INPP5A: variants seen among roughly 807,000 people sequenced by gnomAD.
The protein encoded by INPP5A is inositol polyphosphate-5-phosphatase A, also known as 43 kDa inositol polyphosphate 5-phophatase.
INPP5A carries 14 observed loss-of-function variants against 65.2 expected under a neutral mutation model. That is an observed-to-expected ratio of 0.21 (90% CI 0.14 to 0.34). The LOEUF (loss-of-function observed/expected upper bound fraction) is 0.34, where lower values mean the gene tolerates loss of function less well. INPP5A is among the 10% of genes least tolerant of loss of function. INPP5A has a pLI of 1.00. For synonymous variants in INPP5A, 207 were observed against 208.3 expected (o/e 0.99, Z 0.05); for missense variants, 431 against 545.6 (o/e 0.79, Z 2.09).
chr10:132,771,102 C>T lies in INPP5A; in HGVS notation c.977+5256C>T, dbSNP rs367880104. Among the ~76,000 whole-genome samples the T allele has an allele frequency of 8.5e-5, 13 of 152,348 alleles. No individual in the cohort carries two copies. In the South Asian group the frequency reaches 2.7e-3, roughly 32 times the overall value. On this transcript the variant is annotated intron_variant, in intron 12 of 15. Coordinates refer to ENST00000368594, the MANE Select transcript of INPP5A (RefSeq NM_005539.5). Reference sequence around the variant, plus strand: ...GTCTAAGTTACCACAGTCTGTCTGTCAATCTTTCTGGCAAAATATGGTGTC... The same window carrying T: ...GTCTAAGTTACCACAGTCTGTCTGTTAATCTTTCTGGCAAAATATGGTGTC...
intron 1 of INPP5A, among the ~76,000 whole-genome samples, chr10:132,541,304 C>A (rs1220620600): frequency 1.3e-5 from 2 of 152,188 alleles, no homozygotes; most frequent in Non-Finnish European, 2.9e-5. Context: ...CAAAACGCTG[C>A]GTGCATCCAC....
chr10:132,763,751 A>G (rs1301834053), intron 11 of INPP5A, among the ~76,000 whole-genome samples: 1 of 152,114 alleles, frequency 6.6e-6, no homozygotes, highest in Non-Finnish European at 1.5e-5. Flanking sequence ...ATGCCTGCAT[A>G]CAAACACACA....
intron 2 of INPP5A, among the ~76,000 whole-genome samples, chr10:132,631,214 C>G (rs1330406516): frequency 6.6e-6 from 1 of 152,182 alleles, no homozygotes; most frequent in Non-Finnish European, 1.5e-5. Context: ...AGGCCCCTGC[C>G]CACACAGCTG....
chr10:132,598,283 G>A (rs1469133325), intron 1 of INPP5A, among the ~76,000 whole-genome samples: 2 of 152,144 alleles, frequency 1.3e-5, no homozygotes, highest in Non-Finnish European at 2.9e-5. Flanking sequence ...ATGTTTAAGG[G>A]TGCAATTCAG....
chr10:132,650,591 G>A lies in INPP5A; in HGVS notation c.306+86G>A. On this transcript the variant is annotated intron_variant, in intron 4 of 15. Coordinates refer to ENST00000368594, the MANE Select transcript of INPP5A (RefSeq NM_005539.5). This position sits in a 1 kb window ranked among gnomAD's most constrained non-coding sequence, Gnocchi z 5.5. ...CCTTCTCCTGTGTAAATGGAGAGAG[G>A]TCGGGGTGCTCCCTGCCTGAAGCCT... is the stretch of plus-strand genomic sequence containing the variant. 1 of 952,736 alleles carries A rather than the reference G, an allele frequency of 1.0e-6. No homozygotes were observed. The allele number at this position is 952,736 out of a possible 1,614,324, so 59.0% of individuals were successfully genotyped here. A position where few individuals can be genotyped will look rare whatever the true frequency, so the allele number is the denominator to read the frequency against.
At chr10:132,730,924 G>A (rs553319390) in intron 9 of INPP5A, among the ~76,000 whole-genome samples, 171 of 152,314 alleles carry the variant, frequency 1.1e-3, no homozygotes, top group African/African-American at 3.9e-3. Flanking sequence ...ATAGAGCCGC[G>A]TGGCTATTCC....
intron 2 of INPP5A, among the ~76,000 whole-genome samples, chr10:132,635,412 T>TTTTTC: frequency 7.3e-6 from 1 of 137,506 alleles, no homozygotes; most frequent in Middle Eastern, 3.7e-3. Context: ...TTTTTTTTTT[T>TTTTTC]TGAGACGGAG....
At chr10:132,709,458 G>A (rs56276037) in intron 7 of INPP5A, among the ~76,000 whole-genome samples, 3,267 of 152,096 alleles carry the variant, frequency 0.021, 56 homozygotes, top group South Asian at 0.053. Flanking sequence ...GAGCTGAGAA[G>A]GAGCCGCGGT....
At chr10:132,766,804 G>A (rs1023134536) in intron 12 of INPP5A, among the ~76,000 whole-genome samples, 13 of 152,262 alleles carry the variant, frequency 8.5e-5, no homozygotes, top group African/African-American at 2.2e-4. Flanking sequence ...ACTTCCACTG[G>A]CAGATGTGGA....
chr10:132,721,712 G>C (rs1275531762), intron 8 of INPP5A, among the ~76,000 whole-genome samples: 25 of 143,284 alleles, frequency 1.7e-4, no homozygotes, highest in Admixed American at 1.6e-3. Flanking sequence ...CCTGGGTTCT[G>C]TCTGGGCGCC....
intron 9 of INPP5A, among the ~76,000 whole-genome samples, chr10:132,728,339 G>T (rs893068726): frequency 9.2e-5 from 14 of 152,236 alleles, no homozygotes; most frequent in African/African-American, 3.4e-4. Flanking sequence ...CAAATGGATC[G>T]GTCTCTGGCC....
At chr10:132,720,008 G>T (rs1244974875) in intron 8 of INPP5A, among the ~76,000 whole-genome samples, 1 of 131,502 alleles carries the variant, frequency 7.6e-6, no homozygotes, top group South Asian at 2.6e-4. Flanking sequence ...GTTCTGTGGT[G>T]CCTGGGTTCT....
In INPP5A at chr10:132,645,979, G is replaced by A. The variant is rs1233814787; in HGVS notation, c.218+11G>A. 3 of 1,594,270 alleles carry A rather than the reference G, an allele frequency of 1.9e-6. No homozygotes were observed. Among genetic ancestry groups the A allele is most frequent in the Non-Finnish European group, 2.6e-6 (3 of 1,162,796 alleles). On this transcript the variant is annotated intron_variant, in intron 3 of 15. Transcript: ENST00000368594. ...GGACAAGTTCGTCAAGTAAGTCTAG[G>A]GGCAGGTGCTGGTGCATGTCCACTT...
At position 132,707,267 on chromosome 10, in the gene INPP5A, T is replaced by C. The variant is rs1301153093; in HGVS notation, c.475-1046T>C. ...AGCCCCTGTCCACCTCCGCCCCCGA[T>C]GGCGCCAGGCATATGGCTGCTGCTG... On this transcript the variant is annotated intron_variant, in intron 6 of 15. Transcript: ENST00000368594. This position sits in a 1 kb window ranked among gnomAD's most constrained non-coding sequence, Gnocchi z 5.5. Among the ~76,000 whole-genome samples, 1 of 152,182 alleles carries C rather than the reference T, an allele frequency of 6.6e-6. No homozygotes were observed. Among genetic ancestry groups the C allele is most frequent in the Non-Finnish European group, 1.5e-5 (1 of 68,034 alleles).
intron 12 of INPP5A, among the ~76,000 whole-genome samples, chr10:132,769,086 G>T (rs965048441): frequency 6.6e-6 from 1 of 152,236 alleles, no homozygotes; most frequent in Admixed American, 6.5e-5. Context: ...GCAGAGTGAC[G>T]CCAGGAAATG....
intron 11 of INPP5A, among the ~76,000 whole-genome samples, 158 bp from the exon 12 acceptor site, chr10:132,765,615 C>G (rs1287755898): frequency 6.6e-6 from 1 of 152,224 alleles, no homozygotes; most frequent in African/African-American, 2.4e-5. Context: ...AACACCAGAG[C>G]CTGCTGGCAC....
intron 1 of INPP5A, among the ~76,000 whole-genome samples, chr10:132,573,306 A>G: frequency 9.1e-6 from 1 of 109,950 alleles, no homozygotes; most frequent in East Asian, 2.8e-4. Flanking sequence ...GTGCTGTGTG[A>G]GGTTTTGTTG....
intron 13 of INPP5A, among the ~76,000 whole-genome samples, chr10:132,779,713 G>A (rs1291204467): frequency 6.6e-6 from 1 of 152,222 alleles, no homozygotes; most frequent in African/African-American, 2.4e-5. Flanking sequence ...GTGGGCAGCG[G>A]GTGTGCAGGA....
In INPP5A at chr10:132,663,833, T is replaced by C. The variant is rs1404768248; in HGVS notation, c.306+13328T>C. 2.0e-5 allele frequency among the ~76,000 whole-genome samples: 3 copies of C among 152,116 alleles called. No homozygotes were observed. The highest frequency in any genetic ancestry group is 4.4e-5 in the Non-Finnish European group (3 of 68,030). On this transcript the variant is annotated intron_variant, in intron 4 of 15. Transcript: ENST00000368594. This position sits in a 1 kb window ranked among gnomAD's most constrained non-coding sequence, Gnocchi z 4.5. ...AGCCGTGAGCTGGGCAGGGCCGCGC[T>C]CACATCATTCCTCTCCCCCTGTCGC...
Sources: allele counts gnomAD v4.1 joint callset (sites outside exome capture counted in the v4.1 genomes callset), GRCh38; gene constraint gnomAD v4.1.1; non-coding constraint Gnocchi (gnomAD v3.1); transcripts MANE v1.5; gene names NCBI Gene and HGNC (gene_info 2026-07-23, HGNC 2026-07-21).